The following CDH18 variants were observed in gnomAD, a reference collection of about 807,000 sequenced individuals.
CDH18 encodes the protein cadherin 18, also known as cadherin-18.
CDH18 carries 31 observed loss-of-function variants against 67.9 expected under a neutral mutation model. That is an observed-to-expected ratio of 0.46 (90% confidence interval 0.34 to 0.62). The LOEUF is 0.62. Ranked by LOEUF, CDH18 falls within the 20% of genes least tolerant of loss-of-function variation. The pLI, the probability that CDH18 is intolerant of heterozygous loss-of-function variation, is 0.01. For missense variants in CDH18, 890 were observed against 975.5 expected (o/e 0.91, Z 1.17); for synonymous variants, 362 against 347.2 (o/e 1.04, Z -0.48).
intron 1 of CDH18, among the ~76,000 whole-genome samples, chr5:20,313,000 TG>T (rs1486105474): frequency 6.6e-6 from 1 of 152,102 alleles, no homozygotes; most frequent in Non-Finnish European, 1.5e-5. Flanking sequence ...CTTAAAACAA[TG>T]GTTGAGAAAA....
intron 1 of CDH18, among the ~76,000 whole-genome samples, chr5:20,574,780 A>G (rs570648229): frequency 6.6e-6 from 1 of 152,242 alleles, no homozygotes; most frequent in African/African-American, 2.4e-5. Context: ...TGACATGCAA[A>G]ACATTAATTG....
intron 2 of CDH18, among the ~76,000 whole-genome samples, chr5:19,855,505 T>C (rs1784185893): frequency 6.6e-6 from 1 of 152,156 alleles, no homozygotes; most frequent in African/African-American, 2.4e-5. Context: ...TTTCTTGTTT[T>C]AAGCAATACA....
At chr5:19,495,632 C>A (rs1489108372) in intron 11 of CDH18, among the ~76,000 whole-genome samples, 1 of 145,324 alleles carries the variant, frequency 6.9e-6, no homozygotes, top group African/African-American at 2.5e-5. Context: ...CCCAGCTACT[C>A]GGCTTGAACC....
Position 19,472,964 on chromosome 5 carries a change from G to T in CDH18, c.*262C>A. On this transcript the variant is annotated 3_prime_UTR_variant, in exon 13 of 13. Transcript: ENST00000382275. ...TTAATTCAGGTATTCTTAATAAACA[G>T]TACCACAGACTTTATTGAGCAATTG... 2.6e-6 allele frequency: 1 copy of T among 377,460 alleles called. No individual in the cohort carries two copies. Among genetic ancestry groups the T allele is most frequent in the Non-Finnish European group, 4.8e-6 (1 of 209,186 alleles). 23.4% of individuals were successfully genotyped at this position (377,460 alleles called of 1,614,324 possible).
At chr5:19,722,920 C>T (rs963454819) in intron 4 of CDH18, among the ~76,000 whole-genome samples, 1 of 152,078 alleles carries the variant, frequency 6.6e-6, no homozygotes, top group Non-Finnish European at 1.5e-5. Flanking sequence ...GACCTAATGT[C>T]CGTTCAACTA....
intron 3 of CDH18, among the ~76,000 whole-genome samples, chr5:19,781,396 G>A (rs562463864): frequency 1.7e-4 from 26 of 151,972 alleles, no homozygotes; most frequent in African/African-American, 6.0e-4. Flanking sequence ...AAAGATATTA[G>A]AAAATGGAAA....
chr5:20,508,375 A>G (rs10041671), intron 1 of CDH18, among the ~76,000 whole-genome samples: 1 of 138,688 alleles, frequency 7.2e-6, no homozygotes. Context: ...ATGTATATTT[A>G]TTTGGAAAAC....
At chr5:20,492,059 G>C (rs1753623017) in intron 1 of CDH18, among the ~76,000 whole-genome samples, 1 of 151,812 alleles carries the variant, frequency 6.6e-6, no homozygotes, top group South Asian at 2.1e-4. Context: ...CTGCTGCCTA[G>C]AAAAATTCAG....
chr5:20,233,512 T>C (rs914539307), intron 2 of CDH18, among the ~76,000 whole-genome samples: 6 of 152,024 alleles, frequency 3.9e-5, no homozygotes, highest in African/African-American at 1.4e-4. Context: ...TTTTCTTTTT[T>C]CTAATGAGAA....
intron 2 of CDH18, among the ~76,000 whole-genome samples, chr5:19,844,631 A>G (rs1235035570): frequency 6.6e-6 from 1 of 152,172 alleles, no homozygotes; most frequent in Non-Finnish European, 1.5e-5. Context: ...TTCATCAGTG[A>G]CAGAGGCACA....
intron 3 of CDH18, among the ~76,000 whole-genome samples, chr5:19,816,085 T>C (rs935719332): frequency 4.6e-5 from 7 of 151,960 alleles, no homozygotes; most frequent in East Asian, 1.9e-4. Flanking sequence ...ACAATGTTTT[T>C]ATTAACTTTT....
chr5:20,339,671 C>T (rs561622664), intron 1 of CDH18, among the ~76,000 whole-genome samples: 8 of 152,198 alleles, frequency 5.3e-5, no homozygotes, highest in Admixed American at 1.3e-4. Context: ...TACTCATGCC[C>T]CTAGAAAAGA....
intron 1 of CDH18, among the ~76,000 whole-genome samples, chr5:20,279,730 C>CAAAAAAAAAAAAAAAA (rs1309866477): frequency 8.7e-4 from 58 of 66,666 alleles, no homozygotes; most frequent in Non-Finnish European, 1.4e-3. Context: ...AAAAAAAAAG[C>CAAAAAAAAAAAAAAAA]AAAAACTGTA....
chr5:20,247,293 G>A (rs192438853), intron 2 of CDH18, among the ~76,000 whole-genome samples: 23 of 152,194 alleles, frequency 1.5e-4, no homozygotes, highest in African/African-American at 5.5e-4. Context: ...TAGTATATAT[G>A]AATCTATCTT....
intron 2 of CDH18, among the ~76,000 whole-genome samples, chr5:20,116,885 G>A (rs759396737): frequency 2.6e-5 from 4 of 152,038 alleles, no homozygotes; most frequent in Non-Finnish European, 5.9e-5. Flanking sequence ...CATGTGGATG[G>A]GGTTATAAAA....
chr5:19,689,795 A>C (rs191481412), intron 5 of CDH18, among the ~76,000 whole-genome samples: 2 of 151,956 alleles, frequency 1.3e-5, no homozygotes, highest in Non-Finnish European at 3.0e-5. Context: ...ATATAAATAA[A>C]TTAGACTTTT....
At chr5:20,425,686 T>C (rs540185416) in intron 1 of CDH18, among the ~76,000 whole-genome samples, 9 of 151,098 alleles carry the variant, frequency 6.0e-5, no homozygotes, top group Non-Finnish European at 1.3e-4. Context: ...AGCTGATTTT[T>C]GCTATTCTTA....
intron 2 of CDH18, among the ~76,000 whole-genome samples, chr5:20,040,372 A>T (rs909185613): frequency 6.6e-6 from 1 of 152,150 alleles, no homozygotes; most frequent in African/African-American, 2.4e-5. Flanking sequence ...CCTCAGAGGC[A>T]GGAGAAAAGA....
chr5:19,867,513 T>C (rs368231738), intron 2 of CDH18, among the ~76,000 whole-genome samples: 2 of 152,206 alleles, frequency 1.3e-5, no homozygotes, highest in African/African-American at 4.8e-5. Flanking sequence ...TTCAAAGCTT[T>C]TATGTAAAGC....
Sources: gnomAD v4.1 joint callset for allele counts (sites outside exome capture counted in the v4.1 genomes callset) on GRCh38, gnomAD v4.1.1 for gene constraint, MANE v1.5 for transcripts, NCBI Gene and HGNC (gene_info 2026-07-23, HGNC 2026-07-21) for gene names.